Variants in SDAD1 observed in about 807,000 individuals in gnomAD.
SDAD1 encodes protein SDA1 homolog.
Under a neutral mutation model 100.3 loss-of-function variants are expected in SDAD1, and 79 were observed. That is an observed-to-expected ratio of 0.79 (90% CI 0.66 to 0.95). The LOEUF (loss-of-function observed/expected upper bound fraction) is 0.95. Among genes scored for constraint, SDAD1 ranks in the 40% least tolerant of loss-of-function variants. SDAD1 has a pLI of 0.00. For synonymous variants in SDAD1, 267 were observed against 271.4 expected, an observed-to-expected ratio of 0.98 and a Z score of 0.16; for missense variants, 790 against 810.9, an observed-to-expected ratio of 0.97 and a Z score of 0.31.
chr4:75,960,245 T>G (rs1729153927), intron 16 of SDAD1, 53 bp from the exon 17 acceptor site: 1 of 1,406,024 alleles, frequency 7.1e-7, no homozygotes, highest in African/African-American at 1.4e-5. Flanking sequence ...AAAACCTTAA[T>G]CATGAAAGGT....
intron 20 of SDAD1, 85 bp downstream of exon 20, chr4:75,957,240 C>T: frequency 9.2e-7 from 1 of 1,088,486 alleles, no homozygotes; most frequent in Non-Finnish European, 1.4e-6. Flanking sequence ...TTAAAAATTG[C>T]CATTCTGTGG....
Position 75,956,102 on chromosome 4 carries a change from T to C in SDAD1, c.1889A>G (p.Lys630Arg), listed in dbSNP as rs902726267. 4 of 1,608,398 alleles carry C rather than the reference T, an allele frequency of 2.5e-6. No individual in the cohort carries two copies. The African/African-American group carries it at 5.4e-5, about 22-fold the overall frequency. The change falls in exon 21 of 22, where the codon AAG becomes AGG. Residue 630 changes from lysine to arginine, a missense_variant. Transcript: ENST00000356260. ...GGAAAATGGATTTGTTTTGGTTTTC[T>C]TCCTCACAAATTCTTTTCGGTCTGT... ...GKTDRKEFVR[K>R]KTKTNPFSSS...
rs1193322568 is a variant in SDAD1, at chr4:75,974,080, G to C, written c.632C>G (p.Thr211Ser). The C allele has an allele frequency of 6.2e-7, 1 of 1,613,508 alleles. No homozygotes were observed. The change falls in exon 7 of 22, where the codon ACC (threonine) becomes AGC (serine). Residue 211 changes from threonine (T) to serine (S), a missense_variant. Thr to Ser is a moderately conservative substitution (Grantham distance 58, BLOSUM62 1). Transcript: ENST00000356260. ...VITTACFSKV[T>S]KILVAALTFF... is the part of the protein sequence containing the mutation. ...CACAGCCCTATAGGTGCTCACCTTG[G>C]TGACCTTAGAGAAACATGCAGTTGT...
chr4:75,973,822 G>A (rs923308571), intron 7 of SDAD1, among the ~76,000 whole-genome samples: 1 of 152,032 alleles, frequency 6.6e-6, no homozygotes, highest in Non-Finnish European at 1.5e-5. Context: ...TAATTCTATT[G>A]ACTCTTTTAA....
At chr4:75,981,865 A>G (rs1730541956) in intron 2 of SDAD1, 68 bp downstream of exon 2, 1 of 1,073,008 alleles carries the variant, frequency 9.3e-7, no homozygotes, top group Non-Finnish European at 1.4e-6. Context: ...AAGGTTGAGT[A>G]TTAGTGAAAA....
intron 4 of SDAD1, among the ~76,000 whole-genome samples, chr4:75,977,435 A>ATGAG (rs1730215797): frequency 6.6e-6 from 1 of 152,212 alleles, no homozygotes; most frequent in East Asian, 1.9e-4. Flanking sequence ...TTGTGAGTAA[A>ATGAG]TGAGTAAATA....
rs150048498 is a variant in SDAD1 at position 75,966,427 on chromosome 4, T to C, written c.1046-605A>G. Among the ~76,000 whole-genome samples the C allele has an allele frequency of 6.6e-4, 101 of 152,270 alleles. 1 individual carries two copies. Among genetic ancestry groups the C allele is most frequent in the African/African-American group, 1.4e-3 (59 of 41,566 alleles). On this transcript the variant is annotated intron_variant, in intron 12 of 21. Transcript: ENST00000356260. ...TGCTGAGTGACTCTAGTCTTTTTTT[T>C]CCCTCTCTTTGTATACCTCACAAGA...
intron 6 of SDAD1, among the ~76,000 whole-genome samples, 157 bp from the exon 7 acceptor site, chr4:75,974,290 A>C (rs1730030532): frequency 6.6e-6 from 1 of 152,142 alleles, no homozygotes; most frequent in Non-Finnish European, 1.5e-5. Flanking sequence ...TAAATTACTT[A>C]ACCACAGGTA....
chr4:75,966,301 C>T (rs1729537977), intron 12 of SDAD1, among the ~76,000 whole-genome samples: 1 of 150,510 alleles, frequency 6.6e-6, no homozygotes. Context: ...CACACACACA[C>T]ACACACACAC....
chr4:75,969,260 A>T (rs769672463), intron 11 of SDAD1, 36 bp downstream of exon 11: 1 of 1,523,176 alleles, frequency 6.6e-7, no homozygotes, highest in South Asian at 1.2e-5. Flanking sequence ...ATTCTACTTC[A>T]AATATTCACC....
intron 7 of SDAD1, 125 bp from the exon 8 acceptor site, chr4:75,973,516 G>T: frequency 3.0e-6 from 2 of 656,172 alleles, no homozygotes; most frequent in Non-Finnish European, 5.2e-6. Context: ...AGAGTGGTGG[G>T]ATTTTTGTTC....
At chr4:75,954,646 T>C (rs1728791419) in intron 21 of SDAD1, among the ~76,000 whole-genome samples, 1 of 152,186 alleles carries the variant, frequency 6.6e-6, no homozygotes, top group South Asian at 2.1e-4. Flanking sequence ...ATGCTCCTCA[T>C]TATTGTAAAT....
At chr4:75,989,560 A>G (rs971701132) in intron 1 of SDAD1, among the ~76,000 whole-genome samples, 1 of 152,206 alleles carries the variant, frequency 6.6e-6, no homozygotes, top group African/African-American at 2.4e-5. Context: ...CCCCCTTCTT[A>G]CATATTAAAA....
intron 1 of SDAD1, among the ~76,000 whole-genome samples, chr4:75,990,285 C>T (rs866756458): frequency 6.7e-6 from 1 of 149,282 alleles, no homozygotes; most frequent in African/African-American, 2.5e-5. Context: ...CCCCCCCCCC[C>T]CCTTTCCTGG....
rs558235355 is a variant in SDAD1 at position 75,964,300 on chromosome 4, G to A, written c.1105-89C>T. Reference sequence around the variant, plus strand: ...ATGAAAGGACAATAGATTATTCATAGTGGAAAACCCAGCCTTCCACCTTCA... The same window carrying A: ...ATGAAAGGACAATAGATTATTCATAATGGAAAACCCAGCCTTCCACCTTCA... On this transcript the variant is annotated intron_variant, in intron 13 of 21. Coordinates refer to ENST00000356260, the MANE Select transcript of SDAD1 (RefSeq NM_018115.4). 28 of 903,172 alleles carry A rather than the reference G, an allele frequency of 3.1e-5. No individual in the cohort carries two copies. In the Admixed American group the frequency reaches 6.4e-4, roughly 21 times the overall value. The allele number at this position is 903,172 out of a possible 1,614,324, so 55.9% of individuals were successfully genotyped here. A position where few individuals can be genotyped will look rare whatever the true frequency, so the allele number is the denominator to read the frequency against.
chr4:75,954,484 G>A (rs532722954), intron 21 of SDAD1, among the ~76,000 whole-genome samples: 2 of 151,794 alleles, frequency 1.3e-5, no homozygotes, highest in African/African-American at 2.4e-5. Flanking sequence ...ACCAGACTGG[G>A]CAACATGGCA....
At position 75,959,524 on chromosome 4, in the gene SDAD1, A is replaced by C. The variant is rs372184173; in HGVS notation, c.1483+542T>G. 1.9e-4 allele frequency among the ~76,000 whole-genome samples: 29 copies of C among 152,210 alleles called. No individual in the cohort carries two copies. In the East Asian group the frequency reaches 4.6e-3, roughly 24 times the overall value. On this transcript the variant is annotated intron_variant, in intron 17 of 21. Coordinates refer to ENST00000356260, the MANE Select transcript of SDAD1 (RefSeq NM_018115.4). ...GATGCCGAGGCAGGAGGATCGCTTG[A>C]ACCTGGGAGATGGAGGTTGCAGTGA...
At position 75,990,739 on chromosome 4, in the gene SDAD1, G is replaced by A. The variant is rs1387224774; in HGVS notation, c.90+13C>T. 2 of 1,613,700 alleles carry A rather than the reference G, an allele frequency of 1.2e-6. No homozygotes were observed. On this transcript the variant is annotated intron_variant, in intron 1 of 21. Transcript: ENST00000356260. ...CTATCCGGCCTCTAGCGTCTGCCGCGCCGCACTCCCACCTCCTCGATGTAG... is the reference window on the plus strand; with the variant it reads ...CTATCCGGCCTCTAGCGTCTGCCGCACCGCACTCCCACCTCCTCGATGTAG...
At chr4:75,989,024 T>A (rs1206679912) in intron 1 of SDAD1, among the ~76,000 whole-genome samples, 5 of 152,202 alleles carry the variant, frequency 3.3e-5, no homozygotes, top group Admixed American at 6.5e-5. Context: ...TTAAAAAAAA[T>A]ATGTCAGATC....
Sources: gnomAD v4.1 joint callset for allele counts (sites outside exome capture counted in the v4.1 genomes callset) on GRCh38, gnomAD v4.1.1 for gene constraint, MANE v1.5 for transcripts, NCBI Gene and HGNC (gene_info 2026-07-23, HGNC 2026-07-21) for gene names.